Variants in DGKI observed in about 807,000 individuals in gnomAD.
DGKI encodes diacylglycerol kinase iota, also known as DAG kinase iota.
Under a neutral mutation model 147.5 loss-of-function variants are expected in DGKI, and 55 were observed. The observed-to-expected ratio is 0.37, with a 90% CI of 0.30 to 0.47. The LOEUF (loss-of-function observed/expected upper bound fraction) is 0.47, where lower values mean the gene tolerates loss of function less well. DGKI is among the 20% of genes least tolerant of loss of function. The pLI is 1.00. For missense variants in DGKI, 1,007 were observed against 1,323.8 expected, an observed-to-expected ratio of 0.76 and a Z score of 3.71; for synonymous variants, 469 against 477.1, an observed-to-expected ratio of 0.98 and a Z score of 0.22.
chr7:137,519,076 T>G (rs1004843322), intron 21 of DGKI, among the ~76,000 whole-genome samples: 1 of 152,064 alleles, frequency 6.6e-6, no homozygotes, highest in African/African-American at 2.4e-5. Context: ...TACATAAGTC[T>G]GAAATTTACC....
chr7:137,825,885 CT>C (rs771534448), intron 1 of DGKI, among the ~76,000 whole-genome samples: 3 of 152,142 alleles, frequency 2.0e-5, no homozygotes, highest in African/African-American at 4.8e-5. Flanking sequence ...GTGGGACACA[CT>C]TTTTTTCATT....
chr7:137,818,582 T>C (rs1797805399), intron 1 of DGKI, among the ~76,000 whole-genome samples: 1 of 152,098 alleles, frequency 6.6e-6, no homozygotes, highest in Non-Finnish European at 1.5e-5. Context: ...GCTGGGATTA[T>C]AGGCATGCGC....
In DGKI at chr7:137,521,937, A is replaced by G; in HGVS notation, c.2177T>C (p.Ile726Thr). The change falls in exon 21 of 33, where the codon ATC becomes ACC. Residue 726 changes from isoleucine (I) to threonine (T), a missense_variant. Around this residue, in one of 5 missense-constraint regions of DGKI, gnomAD observed 385 missense variants for 445.2 expected, o/e 0.86. Transcript: ENST00000614521. The part of the protein sequence containing the change: ...DPQSVPDRLR[I>T]RVNKISLQDY... ...TTGTAAACTGATTTTGTTCACCCGG[A>G]TCCTCAGACGATCTGGGACAGACTG... The G allele has an allele frequency of 6.2e-7, 1 of 1,611,920 alleles. No individual in the cohort carries two copies. Among genetic ancestry groups the G allele is most frequent in the Non-Finnish European group, 8.5e-7 (1 of 1,178,756 alleles).
intron 20 of DGKI, among the ~76,000 whole-genome samples, chr7:137,530,777 A>G (rs73449434): frequency 0.06 from 9,148 of 152,242 alleles, 682 homozygotes; most frequent in African/African-American, 0.18. Context: ...GGTTCAAAGG[A>G]AAAACCTACT....
At chr7:137,689,845 C>A in intron 2 of DGKI, 49 bp downstream of exon 2, 1 of 1,269,668 alleles carries the variant, frequency 7.9e-7, no homozygotes. Context: ...GAATGAGAGA[C>A]ACAAAACATG....
intron 27 of DGKI, among the ~76,000 whole-genome samples, chr7:137,447,061 T>C (rs1034590309): frequency 2.0e-5 from 3 of 152,252 alleles, no homozygotes; most frequent in African/African-American, 7.2e-5. Context: ...ATGAGTCCTT[T>C]AGCTACAGAA....
At chr7:137,767,527 G>GAAGAGAAGAGAAGAA (rs1796054016) in intron 1 of DGKI, among the ~76,000 whole-genome samples, 6 of 147,046 alleles carry the variant, frequency 4.1e-5, no homozygotes, top group Admixed American at 4.0e-4. Context: ...GAAGAGAAGA[G>GAAGAGAAGAGAAGAA]AAGAGTAGAG....
intron 16 of DGKI, among the ~76,000 whole-genome samples, chr7:137,577,544 T>C (rs373553067): frequency 5.3e-5 from 8 of 152,194 alleles, no homozygotes; most frequent in Non-Finnish European, 1.0e-4. Context: ...CTGAGGGTCA[T>C]TGGAAGGTTT....
At chr7:137,569,098 A>G (rs981391435) in intron 19 of DGKI, among the ~76,000 whole-genome samples, 7 of 152,170 alleles carry the variant, frequency 4.6e-5, no homozygotes, top group South Asian at 2.1e-4. Flanking sequence ...TTCACTTGTC[A>G]GCTGCTTGAG....
At chr7:137,609,458 G>A in intron 9 of DGKI, 77 bp downstream of exon 9, 1 of 1,110,528 alleles carries the variant, frequency 9.0e-7, no homozygotes, top group South Asian at 1.4e-5. Flanking sequence ...AAATCAACTT[G>A]GACCAGATCT....
chr7:137,386,884 A>C lies in DGKI; in HGVS notation c.*4336T>G, dbSNP rs1193706099. On this transcript the variant is annotated 3_prime_UTR_variant, in exon 33 of 33. Coordinates refer to ENST00000614521, the MANE Select transcript of DGKI (RefSeq NM_001321708.2). ...AGATTAATCAGAAAGCTAATTTATT[A>C]GATGTTTTTCTACTTCTTTTCCTAA... 1 of 152,174 alleles carries C rather than the reference A, an allele frequency of 6.6e-6. No individual in the cohort carries two copies. The highest frequency in any genetic ancestry group is 6.5e-5 in the Admixed American group (1 of 15,276). 9.4% of individuals were successfully genotyped at this position (152,174 alleles called of 1,614,324 possible).
chr7:137,450,643 A>G (rs1426980636), intron 27 of DGKI, among the ~76,000 whole-genome samples: 1 of 152,096 alleles, frequency 6.6e-6, no homozygotes, highest in Non-Finnish European at 1.5e-5. Context: ...AATCAGTTGA[A>G]CCCAGGAGGC....
chr7:137,559,058 A>T (rs931595234), intron 19 of DGKI, among the ~76,000 whole-genome samples: 1 of 145,536 alleles, frequency 6.9e-6, no homozygotes, highest in African/African-American at 2.6e-5. Flanking sequence ...TTGTACCTAC[A>T]ATTCTTTTTT....
chr7:137,544,539 A>G (rs1817804945), intron 20 of DGKI, among the ~76,000 whole-genome samples: 1 of 152,226 alleles, frequency 6.6e-6, no homozygotes, highest in Non-Finnish European at 1.5e-5. Flanking sequence ...GAATAAATAC[A>G]TATTTTAAAT....
At chr7:137,598,713 G>C (rs1307538388) in intron 11 of DGKI, among the ~76,000 whole-genome samples, 5 of 151,954 alleles carry the variant, frequency 3.3e-5, no homozygotes, top group African/African-American at 1.2e-4. Context: ...AATATTTCCT[G>C]TCCTACCATG....
chr7:137,415,075 G>A (rs1022135920), intron 28 of DGKI, among the ~76,000 whole-genome samples: 13 of 152,068 alleles, frequency 8.5e-5, no homozygotes, highest in Non-Finnish European at 1.8e-4. Context: ...GTGAAGCTGG[G>A]CAGACATATC....
chr7:137,840,920 T>C (rs1363263526), intron 1 of DGKI, among the ~76,000 whole-genome samples: 3 of 152,258 alleles, frequency 2.0e-5, no homozygotes, highest in Non-Finnish European at 4.4e-5. Context: ...GTTTGGGGAA[T>C]GGTAATAAGT....
At chr7:137,832,126 T>G (rs948157588) in intron 1 of DGKI, among the ~76,000 whole-genome samples, 1 of 152,216 alleles carries the variant, frequency 6.6e-6, no homozygotes, top group Non-Finnish European at 1.5e-5. Context: ...AGGCTGGCAT[T>G]GAGTGTCTGT....
chr7:137,487,556 TG>T (rs1206884153), intron 22 of DGKI, 53 bp downstream of exon 22: 1 of 1,464,922 alleles, frequency 6.8e-7, no homozygotes, highest in Admixed American at 1.7e-5. Context: ...GGCTGGTAAT[TG>T]TTTACAAAAA....
Sources: allele counts gnomAD v4.1 joint callset (sites outside exome capture counted in the v4.1 genomes callset), GRCh38; gene constraint gnomAD v4.1.1; regional missense constraint gnomAD v4.1.1; transcripts MANE v1.5; gene names NCBI Gene and HGNC (gene_info 2026-07-23, HGNC 2026-07-21).